The following KMT2C variants were observed in gnomAD, a reference collection of about 807,000 sequenced individuals.
KMT2C encodes lysine methyltransferase 2C, also known as histone-lysine N-methyltransferase 2C.
KMT2C carries 88 observed loss-of-function variants against 507.9 expected under a neutral mutation model. The observed-to-expected ratio is 0.17, with a 90% CI of 0.15 to 0.21. The LOEUF is 0.21. KMT2C is among the 10% of genes least tolerant of loss of function. KMT2C has a pLI of 1.00. For synonymous variants in KMT2C, 2,049 were observed against 2,080.8 expected (o/e 0.98, Z 0.42); for missense variants, 4,954 against 5,957.8 (o/e 0.83, Z 5.55).
chr7:152,429,069 C>T (rs1407954749), intron 1 of KMT2C, among the ~76,000 whole-genome samples: 1 of 152,136 alleles, frequency 6.6e-6, no homozygotes, highest in Non-Finnish European at 1.5e-5. Context: ...CCCTCACACA[C>T]TCATTTTCTT....
chr7:152,425,023 C>T (rs1205179717), intron 1 of KMT2C, among the ~76,000 whole-genome samples: 5 of 152,060 alleles, frequency 3.3e-5, no homozygotes, highest in African/African-American at 4.8e-5. Context: ...CAGGGCTAGG[C>T]GAGATACAAA....
At chr7:152,154,200 CA>C (rs1002564681) in intron 47 of KMT2C, 54 bp from the exon 48 acceptor site, 1 of 1,610,218 alleles carries the variant, frequency 6.2e-7, no homozygotes, top group African/African-American at 1.3e-5. Context: ...TTTTCAAAAT[CA>C]AAATATTTAC....
At chr7:152,296,542 C>T (rs150899868) in intron 6 of KMT2C, among the ~76,000 whole-genome samples, 1 of 151,514 alleles carries the variant, frequency 6.6e-6, no homozygotes, top group African/African-American at 2.4e-5. Flanking sequence ...TTCCTTTTTC[C>T]TTTCTGCCTC....
intron 2 of KMT2C, among the ~76,000 whole-genome samples, chr7:152,354,094 A>C (rs1301309935): frequency 6.6e-6 from 1 of 152,208 alleles, no homozygotes; most frequent in African/African-American, 2.4e-5. Context: ...AAGACAAAAC[A>C]AAGACTAATA....
intron 44 of KMT2C, 47 bp downstream of exon 44, chr7:152,158,816 A>G (rs901888586): frequency 1.9e-6 from 3 of 1,572,308 alleles, no homozygotes; most frequent in South Asian, 1.1e-5. Context: ...CCCCCAGCCT[A>G]TATCCTTGAC....
intron 2 of KMT2C, among the ~76,000 whole-genome samples, chr7:152,336,980 G>A (rs1200492677): frequency 6.9e-6 from 1 of 143,940 alleles, no homozygotes; most frequent in African/African-American, 3.0e-5. Context: ...CATGTACAGT[G>A]GTAAACTATA....
chr7:152,252,795 T>C, intron 9 of KMT2C, 80 bp from the exon 10 acceptor site: 1 of 1,015,180 alleles, frequency 9.9e-7, no homozygotes, highest in South Asian at 1.7e-5. Context: ...CTTTAAAAAG[T>C]CATGAATCAT....
Position 152,176,630 on chromosome 7 carries a change from T to C in KMT2C, c.8823A>G (p.Pro2941=), listed in dbSNP as rs536671998. ...DIRPSGSPPP[P]TLPASPSNHV... ...GATTGGATGGGGAGGCCGGCAGAGT[T>C]GGTGGTGGTGGAGACCCCGATGGCC... The change falls in exon 38 of 59, where the codon CCA becomes CCG. Residue 2941 remains proline (P), a synonymous_variant. Coordinates refer to ENST00000262189, the MANE Select transcript of KMT2C (RefSeq NM_170606.3). 4 of 1,614,076 alleles carry C rather than the reference T, an allele frequency of 2.5e-6. No individual in the cohort carries two copies. In the South Asian group the frequency reaches 4.4e-5, roughly 18 times the overall value.
At chr7:152,396,871 T>G (rs1373761888) in intron 1 of KMT2C, among the ~76,000 whole-genome samples, 2 of 152,210 alleles carry the variant, frequency 1.3e-5, no homozygotes, top group Non-Finnish European at 2.9e-5. Flanking sequence ...ACTGTCCTCT[T>G]CGATGAGAGA....
chr7:152,355,069 G>A (rs1447653301), intron 2 of KMT2C, among the ~76,000 whole-genome samples: 2 of 152,192 alleles, frequency 1.3e-5, no homozygotes, highest in Non-Finnish European at 2.9e-5. Context: ...AGGGGTCAAA[G>A]TAATTGAATC....
rs769928776 is a variant in KMT2C at position 152,163,300 on chromosome 7, T to C, written c.10277A>G (p.Gln3426Arg). ...ATGCTGCTCCATTTCCATCCTCTGC[T>C]GCAAAGCTCTTTGTCTATCTACCTC... ...MQEVDRQRAL[Q>R]QRMEMEQHGM... Residue 3426 changes from glutamine to arginine, a missense_variant, in exon 43 of 59, where the codon CAG becomes CGG. By Grantham distance (43) the Gln-to-Arg change is conservative. This residue lies in a region of KMT2C where 801 missense variants were observed against 751.2 expected (regional missense o/e 1.07). Coordinates refer to ENST00000262189, the MANE Select transcript of KMT2C (RefSeq NM_170606.3). The C allele has an allele frequency of 6.2e-7, 1 of 1,614,110 alleles. No individual in the cohort carries two copies. The highest frequency in any genetic ancestry group is 2.2e-5 in the East Asian group (1 of 44,898).
chr7:152,177,057 T>G lies in KMT2C; in HGVS notation c.8396A>C (p.Gln2799Pro). Residue 2799 changes from glutamine to proline, a missense_variant, in exon 38 of 59, where the codon CAA becomes CCA. Physicochemically the swap from Gln to Pro is moderately conservative, Grantham distance 76. Around this residue, in one of 29 missense-constraint regions of KMT2C, gnomAD observed 1,689 missense variants for 1,654.3 expected, o/e 1.02. Coordinates refer to ENST00000262189, the MANE Select transcript of KMT2C (RefSeq NM_170606.3). ...CVSVEPKKKE[Q>P]ENKTLVLSDK... ...AGAGAGAACCAGAGTTTTGTTTTCT[T>G]GTTCCTTTTTTTTTGGTTCAACAGA... 1 of 1,612,482 alleles carries G rather than the reference T, an allele frequency of 6.2e-7. No homozygotes were observed. Among genetic ancestry groups the G allele is most frequent in the South Asian group, 1.1e-5 (1 of 90,410 alleles).
chr7:152,343,132 A>G (rs1452301606), intron 2 of KMT2C, among the ~76,000 whole-genome samples: 1 of 152,184 alleles, frequency 6.6e-6, no homozygotes, highest in African/African-American at 2.4e-5. Flanking sequence ...AACACAGTAT[A>G]GAGCAACATC....
Position 152,264,319 on chromosome 7 carries a change from A to C in KMT2C, c.1184+719T>G, listed in dbSNP as rs546881612. ...TTACAACAAAAATTCTCAGCCTGTA[A>C]ATGAAGATACTGGTAACATCCCCAA... On this transcript the variant is annotated intron_variant, in intron 8 of 58. Coordinates refer to ENST00000262189, the MANE Select transcript of KMT2C (RefSeq NM_170606.3). 5.3e-5 allele frequency among the ~76,000 whole-genome samples: 8 copies of C among 152,298 alleles called. No individual in the cohort carries two copies. The South Asian group carries it at 1.7e-3, about 32-fold the overall frequency.
intron 6 of KMT2C, among the ~76,000 whole-genome samples, chr7:152,278,600 T>C (rs368055325): frequency 6.6e-6 from 1 of 151,762 alleles, no homozygotes; most frequent in Non-Finnish European, 1.5e-5. Flanking sequence ...AGCAGCTATA[T>C]ATATGCACAA....
At chr7:152,271,996 T>G (rs1282735210) in intron 7 of KMT2C, among the ~76,000 whole-genome samples, 4 of 151,716 alleles carry the variant, frequency 2.6e-5, no homozygotes, top group Admixed American at 6.6e-5. Flanking sequence ...TATATATTTT[T>G]GGGGGGGGTC....
intron 25 of KMT2C, among the ~76,000 whole-genome samples, chr7:152,203,655 A>G (rs571439984): frequency 2.2e-4 from 34 of 152,338 alleles, no homozygotes; most frequent in African/African-American, 6.0e-4. Context: ...AAACAAGAAC[A>G]CAGCTTAAAT....
intron 20 of KMT2C, among the ~76,000 whole-genome samples, chr7:152,223,365 C>T (rs552869684): frequency 1.3e-3 from 195 of 152,036 alleles, no homozygotes; most frequent in African/African-American, 4.7e-3. Flanking sequence ...TTAAGGAGAA[C>T]AGAATGTGTT....
intron 6 of KMT2C, among the ~76,000 whole-genome samples, chr7:152,294,022 C>CTTT (rs5888465): frequency 2.5e-4 from 33 of 133,138 alleles, no homozygotes; most frequent in African/African-American, 7.5e-4. Flanking sequence ...CCACACCTGC[C>CTTT]TTTTTTTTTT....
Sources: gnomAD v4.1 joint callset for allele counts (sites outside exome capture counted in the v4.1 genomes callset) on GRCh38, gnomAD v4.1.1 for gene constraint, gnomAD v4.1.1 regional missense constraint, MANE v1.5 for transcripts, NCBI Gene and HGNC (gene_info 2026-07-23, HGNC 2026-07-21) for gene names.